The following DOCK1 variants were observed in gnomAD, a reference collection of about 807,000 sequenced individuals.
DOCK1 encodes the protein dedicator of cytokinesis 1, also known as dedicator of cytokinesis protein 1.
In DOCK1, 138 loss-of-function variants were observed where a neutral mutation model predicts 262.7. The observed-to-expected ratio is 0.53, with a 90% confidence interval of 0.46 to 0.61. The LOEUF (loss-of-function observed/expected upper bound fraction) is 0.61. Among genes scored for constraint, DOCK1 ranks in the 20% least tolerant of loss-of-function variants. The pLI is 0.00. For missense variants in DOCK1, 1,908 were observed against 2,370.7 expected (o/e 0.80, Z 4.05); for synonymous variants, 866 against 867.4 (o/e 1.00, Z 0.03).
At chr10:127,363,094 C>CA (rs1409063415) in intron 33 of DOCK1, among the ~76,000 whole-genome samples, 2 of 148,830 alleles carry the variant, frequency 1.3e-5, no homozygotes, top group African/African-American at 5.2e-5. Flanking sequence ...CACATACACA[C>CA]ACATGCACAT....
intron 25 of DOCK1, among the ~76,000 whole-genome samples, chr10:127,112,288 A>G (rs1370519600): frequency 2.0e-5 from 3 of 152,212 alleles, no homozygotes; most frequent in Non-Finnish European, 2.9e-5. Flanking sequence ...CTGGGATTAC[A>G]GGCGTGAGCC....
chr10:127,202,447 G>T (rs2057512978), intron 27 of DOCK1, among the ~76,000 whole-genome samples: 1 of 152,168 alleles, frequency 6.6e-6, no homozygotes, highest in Non-Finnish European at 1.5e-5. Context: ...TTCTGCCCCG[G>T]TGCACAGGAG....
intron 28 of DOCK1, among the ~76,000 whole-genome samples, chr10:127,253,253 C>G (rs36057049): frequency 0.33 from 50,735 of 152,018 alleles, 9,752 homozygotes; most frequent in South Asian, 0.57. Flanking sequence ...GGAACAATGA[C>G]GGCTTTGGTA....
chr10:127,445,056 C>T (rs142750235), intron 50 of DOCK1, among the ~76,000 whole-genome samples: 2,812 of 152,232 alleles, frequency 0.018, 43 homozygotes, highest in Non-Finnish European at 0.029. Flanking sequence ...TCTGCAAAGA[C>T]CCTACATCCA....
chr10:127,329,140 T>C (rs778081438), intron 29 of DOCK1, among the ~76,000 whole-genome samples: 12 of 152,112 alleles, frequency 7.9e-5, no homozygotes, highest in African/African-American at 2.9e-4. Flanking sequence ...CCATCCCCCA[T>C]GTATATGGAA....
chr10:127,325,732 G>C (rs1213829730), intron 29 of DOCK1, among the ~76,000 whole-genome samples: 1 of 152,204 alleles, frequency 6.6e-6, no homozygotes, highest in African/African-American at 2.4e-5. Context: ...GATATGAAAA[G>C]GCAGCAGATT....
intron 29 of DOCK1, among the ~76,000 whole-genome samples, chr10:127,268,503 C>A (rs1287730619): frequency 1.6e-3 from 110 of 70,144 alleles, no homozygotes; most frequent in South Asian, 2.7e-3. Context: ...GACTCCACCT[C>A]AAAAAAAAAA....
At chr10:127,305,325 G>T (rs183117631) in intron 29 of DOCK1, among the ~76,000 whole-genome samples, 1 of 152,108 alleles carries the variant, frequency 6.6e-6, no homozygotes, top group Non-Finnish European at 1.5e-5. Context: ...CTGATGAGTC[G>T]GGCAGAAGAG....
intron 12 of DOCK1, among the ~76,000 whole-genome samples, chr10:127,015,634 C>T (rs928581162): frequency 4.6e-5 from 7 of 152,172 alleles, no homozygotes; most frequent in African/African-American, 7.2e-5. Flanking sequence ...CTGTAAGCTG[C>T]GCCTCCTCCT....
At chr10:127,107,927 C>T (rs866314721) in intron 24 of DOCK1, among the ~76,000 whole-genome samples, 2 of 152,186 alleles carry the variant, frequency 1.3e-5, no homozygotes, top group African/African-American at 4.8e-5. Flanking sequence ...TTGAGCCGGG[C>T]CTGTCCTCAC....
chr10:127,126,450 G>A (rs1248193500), intron 26 of DOCK1, among the ~76,000 whole-genome samples: 1 of 152,090 alleles, frequency 6.6e-6, no homozygotes, highest in Non-Finnish European at 1.5e-5. Context: ...GTTGGTGCCA[G>A]CCCAGCGAAG....
chr10:127,267,176 A>C (rs2060391974), intron 29 of DOCK1, among the ~76,000 whole-genome samples: 1 of 152,206 alleles, frequency 6.6e-6, no homozygotes, highest in Non-Finnish European at 1.5e-5. Context: ...GTTCTCTCTC[A>C]GCAGCTTTTG....
chr10:127,025,515 C>T (rs189398033), intron 15 of DOCK1, among the ~76,000 whole-genome samples: 2 of 152,216 alleles, frequency 1.3e-5, no homozygotes, highest in Non-Finnish European at 2.9e-5. Flanking sequence ...GGTGCAATCT[C>T]GGCTCACTGC....
intron 29 of DOCK1, among the ~76,000 whole-genome samples, chr10:127,312,858 C>T (rs1022976463): frequency 6.6e-6 from 1 of 150,734 alleles, no homozygotes; most frequent in African/African-American, 2.5e-5. Context: ...AACAACTCAC[C>T]TGCTGGTCTC....
intron 25 of DOCK1, among the ~76,000 whole-genome samples, chr10:127,120,564 C>G (rs558475156): frequency 5.5e-4 from 83 of 152,170 alleles, no homozygotes; most frequent in African/African-American, 1.9e-3. Context: ...TTTACACTTA[C>G]AGCACATCTC....
At chr10:127,156,126 T>C (rs2053019266) in intron 27 of DOCK1, among the ~76,000 whole-genome samples, 1 of 152,236 alleles carries the variant, frequency 6.6e-6, no homozygotes, top group Non-Finnish European at 1.5e-5. Context: ...AGAACCTTCC[T>C]GCCCTAAACC....
chr10:127,328,835 G>T (rs1331306212), intron 29 of DOCK1, among the ~76,000 whole-genome samples: 1 of 151,958 alleles, frequency 6.6e-6, no homozygotes, highest in Non-Finnish European at 1.5e-5. Context: ...TCACACCAAT[G>T]GTACAGATAT....
intron 32 of DOCK1, among the ~76,000 whole-genome samples, chr10:127,360,657 A>G (rs1378254811): frequency 6.6e-6 from 1 of 152,202 alleles, no homozygotes; most frequent in Non-Finnish European, 1.5e-5. Context: ...TCATTTTGCA[A>G]TTAGGGGGGA....
At chr10:127,272,714 G>A (rs999414586) in intron 29 of DOCK1, among the ~76,000 whole-genome samples, 1 of 152,190 alleles carries the variant, frequency 6.6e-6, no homozygotes. Flanking sequence ...ACATACTTGA[G>A]ACTGGGCAAT....
Sources: gnomAD v4.1 joint callset for allele counts (sites outside exome capture counted in the v4.1 genomes callset) on GRCh38, gnomAD v4.1.1 for gene constraint, MANE v1.5 for transcripts, NCBI Gene and HGNC (gene_info 2026-07-23, HGNC 2026-07-21) for gene names.